The following DSCAM variants were observed in gnomAD, a reference collection of about 807,000 sequenced individuals.
The protein encoded by DSCAM is DS cell adhesion molecule.
In DSCAM, 47 loss-of-function variants were observed where a neutral mutation model predicts 217.7. The observed-to-expected ratio is 0.22, with a 90% CI of 0.17 to 0.28. DSCAM has a LOEUF of 0.28. Ranked by LOEUF, DSCAM falls within the 10% of genes least tolerant of loss-of-function variation. The pLI, the probability that DSCAM is intolerant of heterozygous loss-of-function variation, is 1.00. For synonymous variants in DSCAM, 1,056 were observed against 1,015.3 expected, an observed-to-expected ratio of 1.04 and a Z score of -0.76; for missense variants, 2,080 against 2,618.3, an observed-to-expected ratio of 0.79 and a Z score of 4.49.
intron 1 of DSCAM, among the ~76,000 whole-genome samples, chr21:40,778,887 G>A (rs2091513536): frequency 6.6e-6 from 1 of 152,046 alleles, no homozygotes; most frequent in South Asian, 2.1e-4. Context: ...ATCCAGGCAT[G>A]ATGGTGCATG....
chr21:40,106,911 C>A (rs1164677576), intron 20 of DSCAM, among the ~76,000 whole-genome samples: 2 of 133,592 alleles, frequency 1.5e-5, no homozygotes, highest in South Asian at 2.6e-4. Context: ...TTTTTTTTTT[C>A]AAAAAACTAG....
chr21:40,615,588 G>A (rs1461897656), intron 3 of DSCAM: 1 of 152,078 alleles, frequency 6.6e-6, no homozygotes, highest in East Asian at 1.9e-4. Flanking sequence ...TATTTTGAGT[G>A]GTGATATTGC....
intron 10 of DSCAM, among the ~76,000 whole-genome samples, chr21:40,283,806 G>T (rs1601516267): frequency 6.6e-6 from 1 of 152,150 alleles, no homozygotes; most frequent in Non-Finnish European, 1.5e-5. Flanking sequence ...TATGAATGTG[G>T]GTATAAATGC....
At chr21:40,251,065 T>G (rs568957054) in intron 11 of DSCAM, among the ~76,000 whole-genome samples, 23 of 152,326 alleles carry the variant, frequency 1.5e-4, no homozygotes, top group Middle Eastern at 6.8e-3. Context: ...GCATGCTGCC[T>G]GCCTTCTCTT....
chr21:40,126,952 G>A (rs898210650), intron 19 of DSCAM, among the ~76,000 whole-genome samples: 1 of 152,188 alleles, frequency 6.6e-6, no homozygotes, highest in African/African-American at 2.4e-5. Flanking sequence ...TTTTAGTTCT[G>A]GTTTGGACAA....
Position 40,698,182 on chromosome 21 carries a change from T to C in DSCAM, c.362-5226A>G, listed in dbSNP as rs2090615631. Among the ~76,000 whole-genome samples, 7 of 152,238 alleles carry C rather than the reference T, an allele frequency of 4.6e-5. No homozygotes were observed. The South Asian group carries it at 1.4e-3, about 31-fold the overall frequency. On this transcript the variant is annotated intron_variant, in intron 2 of 32. Transcript: ENST00000400454. ...TGAGCAAGAGATCACACGGTTGGTCTACATTGACAGCAGCGAATGTGAGAA... is the reference window on the plus strand; with the variant it reads ...TGAGCAAGAGATCACACGGTTGGTCCACATTGACAGCAGCGAATGTGAGAA...
At chr21:40,825,959 T>C (rs980494966) in intron 1 of DSCAM, among the ~76,000 whole-genome samples, 1 of 152,178 alleles carries the variant, frequency 6.6e-6, no homozygotes. Context: ...ACAACATTCA[T>C]TGGTTTAATT....
At chr21:40,364,743 C>A (rs143985522) in intron 4 of DSCAM, among the ~76,000 whole-genome samples, 1 of 143,228 alleles carries the variant, frequency 7.0e-6, no homozygotes, top group Non-Finnish European at 1.5e-5. Flanking sequence ...TATATATATA[C>A]ACACACTAGT....
At chr21:40,281,465 AAT>A (rs199708002) in intron 10 of DSCAM, among the ~76,000 whole-genome samples, 1 of 151,724 alleles carries the variant, frequency 6.6e-6, no homozygotes, top group Non-Finnish European at 1.5e-5. Context: ...AGTGGAGAGA[AAT>A]ATATATATAT....
intron 11 of DSCAM, among the ~76,000 whole-genome samples, chr21:40,192,502 A>G (rs1480146178): frequency 3.9e-5 from 6 of 152,158 alleles, no homozygotes; most frequent in African/African-American, 1.4e-4. Flanking sequence ...CCCTTTCACC[A>G]TGATTGTAAG....
At chr21:40,571,829 A>T (rs1006609598) in intron 3 of DSCAM, among the ~76,000 whole-genome samples, 14 of 152,140 alleles carry the variant, frequency 9.2e-5, no homozygotes, top group Non-Finnish European at 2.1e-4. Flanking sequence ...ACCTCAGGTG[A>T]TCTGCCCACC....
intron 3 of DSCAM, among the ~76,000 whole-genome samples, chr21:40,528,898 C>CTGTTTTTTTTTTTTTTTTTT (rs2076420873): frequency 1.0e-5 from 1 of 99,396 alleles, no homozygotes; most frequent in African/African-American, 4.9e-5. Flanking sequence ...AGGCTTTCCA[C>CTGTTTTTTTTTTTTTTTTTT]TTTTTTTTTT....
chr21:40,498,583 A>T (rs1241441750), intron 3 of DSCAM, among the ~76,000 whole-genome samples: 1 of 148,080 alleles, frequency 6.8e-6, no homozygotes, highest in Non-Finnish European at 1.5e-5. Flanking sequence ...AAACATGAAT[A>T]TATATACAGT....
At chr21:40,485,420 T>G (rs540064801) in intron 3 of DSCAM, among the ~76,000 whole-genome samples, 352 of 150,410 alleles carry the variant, frequency 2.3e-3, no homozygotes, top group African/African-American at 8.2e-3. Flanking sequence ...TTTTTTGTAT[T>G]TTTAGTAGAG....
chr21:40,378,387 C>A (rs1351039978), intron 3 of DSCAM, among the ~76,000 whole-genome samples: 1 of 151,882 alleles, frequency 6.6e-6, no homozygotes, highest in Non-Finnish European at 1.5e-5. Context: ...ATTGGTGAAG[C>A]CTTTTGATTT....
At chr21:40,361,469 A>G (rs1477902251) in intron 4 of DSCAM, among the ~76,000 whole-genome samples, 1 of 152,138 alleles carries the variant, frequency 6.6e-6, no homozygotes, top group Non-Finnish European at 1.5e-5. Context: ...AACACAAAAA[A>G]TTAGCTGGGT....
At chr21:40,605,524 G>T (rs2089222382) in intron 3 of DSCAM, among the ~76,000 whole-genome samples, 1 of 152,092 alleles carries the variant, frequency 6.6e-6, no homozygotes, top group Non-Finnish European at 1.5e-5. Flanking sequence ...CTCTATTGCA[G>T]CTCCTGAAGT....
intron 3 of DSCAM, among the ~76,000 whole-genome samples, chr21:40,438,115 C>G (rs183317516): frequency 6.6e-6 from 1 of 152,164 alleles, no homozygotes. Flanking sequence ...GACACAGCAT[C>G]GAGTCTGTAT....
chr21:40,571,613 A>G (rs2076807347), intron 3 of DSCAM, among the ~76,000 whole-genome samples: 1 of 152,254 alleles, frequency 6.6e-6, no homozygotes, highest in Non-Finnish European at 1.5e-5. Context: ...CATAGGTAGT[A>G]TAACATATAG....
Sources: gnomAD v4.1 joint callset for allele counts (sites outside exome capture counted in the v4.1 genomes callset) on GRCh38, gnomAD v4.1.1 for gene constraint, MANE v1.5 for transcripts, NCBI Gene and HGNC (gene_info 2026-07-23, HGNC 2026-07-21) for gene names.